SDHAF3: variants seen among roughly 807,000 people sequenced by gnomAD.
SDHAF3 encodes the protein succinate dehydrogenase assembly factor 3, mitochondrial.
A neutral mutation model predicts 11.5 loss-of-function variants in SDHAF3; 18 were observed. That is an observed-to-expected ratio of 1.56 (90% confidence interval 1.08 to 2.32). The LOEUF is 2.32. Among genes scored for constraint, SDHAF3 ranks in the 30% most tolerant of loss-of-function variants. The pLI is 0.00. For missense variants in SDHAF3, 200 were observed against 154.4 expected, an observed-to-expected ratio of 1.30 and a Z score of -1.57; for synonymous variants, 72 against 59.3, an observed-to-expected ratio of 1.21 and a Z score of -0.99.
intron 1 of SDHAF3, among the ~76,000 whole-genome samples, chr7:97,164,439 A>G (rs979432769): frequency 1.3e-5 from 2 of 148,852 alleles, no homozygotes; most frequent in South Asian, 2.1e-4. Flanking sequence ...CTGGAGTGCA[A>G]TGGCGCAATC....
chr7:97,142,598 G>A (rs1451505662), intron 1 of SDHAF3: 1 of 152,024 alleles, frequency 6.6e-6, no homozygotes, highest in Non-Finnish European at 1.5e-5. Context: ...CTAGTATCAA[G>A]CATCTCTAGT....
intron 1 of SDHAF3, among the ~76,000 whole-genome samples, chr7:97,157,753 G>A (rs1789326769): frequency 6.6e-6 from 1 of 152,134 alleles, no homozygotes; most frequent in African/African-American, 2.4e-5. Flanking sequence ...TTAAGAAAAT[G>A]TGGCACATGC....
chr7:97,159,845 G>T (rs1789371945), intron 1 of SDHAF3, among the ~76,000 whole-genome samples: 1 of 152,194 alleles, frequency 6.6e-6, no homozygotes, highest in South Asian at 2.1e-4. Flanking sequence ...TTTCGAGAAG[G>T]TTGGTTCTGA....
chr7:97,118,028 C>G, intron 1 of SDHAF3, 131 bp downstream of exon 1: 1 of 1,112,910 alleles, frequency 9.0e-7, no homozygotes, highest in Non-Finnish European at 1.3e-6. Context: ...TAATGCTGTT[C>G]AGGTAACACT....
intron 1 of SDHAF3, chr7:97,136,534 T>A (rs1791773181): frequency 1.8e-6 from 1 of 563,368 alleles, no homozygotes; most frequent in Non-Finnish European, 3.2e-6. Flanking sequence ...AAAATATTCT[T>A]TACAGCCTAA....
At chr7:97,127,501 G>A (rs150378868) in intron 1 of SDHAF3, among the ~76,000 whole-genome samples, 3 of 152,190 alleles carry the variant, frequency 2.0e-5, no homozygotes, top group African/African-American at 7.2e-5. Context: ...TCTTATATAT[G>A]ATTTTGAAGT....
intron 1 of SDHAF3, among the ~76,000 whole-genome samples, chr7:97,151,580 G>A (rs1554352905): frequency 6.7e-6 from 1 of 150,200 alleles, no homozygotes. Flanking sequence ...CTCACTGCAA[G>A]CTCTGCCCCC....
chr7:97,173,918 T>C (rs1184642722), intron 1 of SDHAF3, among the ~76,000 whole-genome samples: 1 of 150,328 alleles, frequency 6.7e-6, no homozygotes, highest in African/African-American at 2.4e-5. Flanking sequence ...TGTTAGCAGC[T>C]TTTTTTTCTT....
intron 1 of SDHAF3, among the ~76,000 whole-genome samples, chr7:97,144,667 T>A (rs988654071): frequency 6.6e-6 from 1 of 152,224 alleles, no homozygotes; most frequent in African/African-American, 2.4e-5. Context: ...GTCCCATTGG[T>A]CTATGTGCCT....
At chr7:97,174,006 G>T (rs113918352) in intron 1 of SDHAF3, among the ~76,000 whole-genome samples, 8 of 151,358 alleles carry the variant, frequency 5.3e-5, no homozygotes, top group Admixed American at 4.6e-4. Flanking sequence ...TGCAACCTCC[G>T]ACTCCTGGTT....
At chr7:97,121,233 G>T (rs1428154987) in intron 1 of SDHAF3, among the ~76,000 whole-genome samples, 1 of 152,192 alleles carries the variant, frequency 6.6e-6, no homozygotes, top group Non-Finnish European at 1.5e-5. Context: ...AGGAATAGTT[G>T]TTTAAGGCTT....
At chr7:97,133,996 T>C (rs1181460372) in intron 1 of SDHAF3, among the ~76,000 whole-genome samples, 2 of 152,256 alleles carry the variant, frequency 1.3e-5, no homozygotes, top group African/African-American at 4.8e-5. Flanking sequence ...TTCTGGACTT[T>C]GGTGCAATAA....
At chr7:97,156,400 G>A (rs1789301597) in intron 1 of SDHAF3, among the ~76,000 whole-genome samples, 1 of 152,124 alleles carries the variant, frequency 6.6e-6, no homozygotes, top group African/African-American at 2.4e-5. Context: ...TCATTAATGT[G>A]GCTGATGAGC....
At chr7:97,156,655 C>G (rs1789305338) in intron 1 of SDHAF3, among the ~76,000 whole-genome samples, 1 of 152,118 alleles carries the variant, frequency 6.6e-6, no homozygotes. Context: ...TTCTTCAGTG[C>G]AGGGGAACAG....
intron 1 of SDHAF3, among the ~76,000 whole-genome samples, chr7:97,130,978 G>A (rs546260452): frequency 3.9e-5 from 6 of 152,288 alleles, no homozygotes; most frequent in East Asian, 3.9e-4. Context: ...CTGGCAGCTC[G>A]GTTTTCAGGC....
chr7:97,142,425 G>A (rs747610185), intron 1 of SDHAF3, among the ~76,000 whole-genome samples: 2 of 152,112 alleles, frequency 1.3e-5, no homozygotes, highest in Non-Finnish European at 2.9e-5. Context: ...TTATAAATAT[G>A]TGAGAATTTA....
At chr7:97,131,289 T>G (rs1398114940) in intron 1 of SDHAF3, among the ~76,000 whole-genome samples, 5 of 152,256 alleles carry the variant, frequency 3.3e-5, no homozygotes, top group Admixed American at 3.3e-4. Flanking sequence ...ATCTTCTTAA[T>G]CATCTTTTTA....
At chr7:97,142,438 G>A (rs886228099) in intron 1 of SDHAF3, among the ~76,000 whole-genome samples, 19 of 152,098 alleles carry the variant, frequency 1.2e-4, no homozygotes, top group Non-Finnish European at 1.6e-4. Context: ...AGAATTTAGG[G>A]CATTAGGCTT....
chr7:97,161,915 G>A (rs1278935542), intron 1 of SDHAF3, among the ~76,000 whole-genome samples: 1 of 152,176 alleles, frequency 6.6e-6, no homozygotes, highest in Non-Finnish European at 1.5e-5. Context: ...TGTCTTTATA[G>A]TAGAATGATT....
Sources: gnomAD v4.1 joint callset for allele counts (sites outside exome capture counted in the v4.1 genomes callset) on GRCh38, gnomAD v4.1.1 for gene constraint, MANE v1.5 for transcripts, NCBI Gene and HGNC (gene_info 2026-07-23, HGNC 2026-07-21) for gene names.